The following KRT84 variants were observed in gnomAD, a reference collection of about 807,000 sequenced individuals.
KRT84 encodes keratin, type II cuticular Hb4.
Under a neutral mutation model 49.0 loss-of-function variants are expected in KRT84, and 38 were observed. The ratio of observed to expected loss-of-function variants is 0.78; its 90% CI spans 0.60 to 1.02. The LOEUF (loss-of-function observed/expected upper bound fraction) is 1.02, where lower values mean the gene tolerates loss of function less well. Ranked by LOEUF, KRT84 falls within the 50% of genes least tolerant of loss-of-function variation. The pLI is 0.00. For missense variants in KRT84, 860 were observed against 788.6 expected, an observed-to-expected ratio of 1.09 and a Z score of -1.08; for synonymous variants, 334 against 312.8, an observed-to-expected ratio of 1.07 and a Z score of -0.72.
Position 52,382,454 on chromosome 12 carries a change from T to C in KRT84, c.895A>G (p.Lys299Glu). ...DTLTQEIDFL[K>E]TLYMEEIQLL... Reference sequence around the variant, plus strand: ...ACCCTCACCTCCATGTAAAGCGTTTTTAGAAAGTCAATTTCCTGAGTTAGG... The same window carrying C: ...ACCCTCACCTCCATGTAAAGCGTTTCTAGAAAGTCAATTTCCTGAGTTAGG... The change falls in exon 4 of 9, where the codon AAA (lysine) becomes GAA (glutamate). Residue 299 changes from lysine (K) to glutamate (E), a missense_variant. Physicochemically the swap from Lys to Glu is moderately conservative, Grantham distance 56. Transcript: ENST00000257951. 2 of 1,613,932 alleles carry C rather than the reference T, an allele frequency of 1.2e-6. 1 individual carries two copies. Among genetic ancestry groups the C allele is most frequent in the South Asian group, 2.2e-5 (2 of 91,074 alleles).
At chr12:52,385,675 C>T (rs1479720344), upstream of KRT84, 1 of 1,237,702 alleles carries the variant, frequency 8.1e-7, no homozygotes, top group Non-Finnish European at 1.1e-6. Flanking sequence ...ACCCTTGCAC[C>T]CCTTTTATGT....
intron 8 of KRT84, among the ~76,000 whole-genome samples, chr12:52,379,607 C>T (rs1939444859): frequency 6.6e-6 from 1 of 152,222 alleles, no homozygotes. Context: ...AAGGACAAGG[C>T]CGCTCAAAGC....
intron 3 of KRT84, 109 bp downstream of exon 3, chr12:52,382,896 T>C: frequency 3.5e-6 from 3 of 865,072 alleles, no homozygotes; most frequent in Non-Finnish European, 5.9e-6. Context: ...ACTGTCTTGA[T>C]GTGAGTAGTC....
intron 6 of KRT84, 48 bp downstream of exon 6, chr12:52,381,032 G>A (rs774639656): frequency 9.4e-6 from 15 of 1,601,200 alleles, no homozygotes; most frequent in Non-Finnish European, 2.6e-6. Flanking sequence ...AAAGCCTGAG[G>A]CCCTGGTTCT....
Position 52,378,312 on chromosome 12 carries a change from G to A in KRT84, c.1525C>T (p.Arg509Cys), listed in dbSNP as rs998175367. The change falls in exon 9 of 9, where the codon CGC becomes TGC. Residue 509 changes from arginine (R) to cysteine (C), a missense_variant. Arg to Cys is a radical substitution (Grantham distance 180). Coordinates refer to ENST00000257951, the MANE Select transcript of KRT84 (RefSeq NM_033045.4). ...EPLVAGSTLS[R>C]GGVTFSGSSS... ...CTACCTGAGAAGGTGACCCCGCCGC[G>A]GGAGAGGGTGGAGCCGGCAACCAAA... 3.9e-6 allele frequency: 6 copies of A among 1,535,988 alleles called. No homozygotes were observed. The highest frequency in any genetic ancestry group is 4.0e-5 in the Admixed American group (2 of 50,334).
At chr12:52,381,876 C>T (rs1039638773) in intron 4 of KRT84, among the ~76,000 whole-genome samples, 8 of 152,096 alleles carry the variant, frequency 5.3e-5, no homozygotes, top group South Asian at 4.1e-4. Context: ...GGTCACAGAC[C>T]GTTGAGACCT....
At position 52,385,266 on chromosome 12, in the gene KRT84, A is replaced by G. The variant is rs905198078; in HGVS notation, c.320T>C (p.Phe107Ser). 1.2e-6 allele frequency: 2 copies of G among 1,613,928 alleles called. No homozygotes were observed. Among genetic ancestry groups the G allele is most frequent in the African/African-American group, 2.7e-5 (2 of 74,890 alleles). Residue 107 changes from phenylalanine to serine, a missense_variant, in exon 1 of 9, where the codon TTT becomes TCT. Physicochemically the swap from Phe to Ser is radical, Grantham distance 155 (BLOSUM62 -2). Transcript: ENST00000257951. ...PRADSCVGLG[F>S]GAGSGIGYGF... is the part of the protein sequence containing the mutation. The stretch of plus-strand genomic sequence containing the variant: ...ATAGCCAATGCCACTGCCAGCTCCA[A>G]AGCCCAGACCAACACAGCTGTCAGC...
chr12:52,384,783 C>A (rs917983890), intron 1 of KRT84, among the ~76,000 whole-genome samples: 6 of 152,156 alleles, frequency 3.9e-5, no homozygotes, highest in Admixed American at 1.3e-4. Flanking sequence ...TCGAGTTTGG[C>A]TGGATGCTCC....
At position 52,380,403 on chromosome 12, in the gene KRT84, T is replaced by A; in HGVS notation, c.1384A>T (p.Ile462Phe). ...MNAKLGLDIE[I>F]ATYRRLLEGE... ...TCCAGCAGGCGCCTGTAGGTGGCGA[T>A]CTCGATGTCCAGGCCCAGCTTGGCA... Residue 462 changes from isoleucine to phenylalanine, a missense_variant, in exon 7 of 9, where the codon ATC (isoleucine) becomes TTC (phenylalanine). By Grantham distance (21) the Ile-to-Phe change is conservative. Coordinates refer to ENST00000257951, the MANE Select transcript of KRT84 (RefSeq NM_033045.4). 1 of 1,614,186 alleles carries A rather than the reference T, an allele frequency of 6.2e-7. No individual in the cohort carries two copies. Among genetic ancestry groups the A allele is most frequent in the South Asian group, 1.1e-5 (1 of 91,080 alleles).
Position 52,383,616 on chromosome 12 carries a change from C to T in KRT84, c.729G>A (p.Gln243=). ...ARLQAERNHL[Q]DVLEGFKKKY... is the part of the protein sequence containing the mutation. ...TCTTCTTGAAGCCCTCTAGGACATC[C>T]TGCAGGTGGTTCCTCTCAGCCTGGA... The change falls in exon 2 of 9, where the codon CAG becomes CAA. Residue 243 remains glutamine (Q), a synonymous_variant. Transcript: ENST00000257951. 6.2e-7 allele frequency: 1 copy of T among 1,613,534 alleles called. No homozygotes were observed. Among genetic ancestry groups the T allele is most frequent in the East Asian group, 2.2e-5 (1 of 44,878 alleles).
At chr12:52,382,883 T>TC (rs1939508133) in intron 3 of KRT84, 122 bp downstream of exon 3, 1 of 772,596 alleles carries the variant, frequency 1.3e-6, no homozygotes, top group African/African-American at 1.7e-5. Context: ...TTCCACTGTC[T>TC]CCACTGTCTT....
At chr12:52,378,611 C>CGT in intron 8 of KRT84, among the ~76,000 whole-genome samples, 2 of 152,216 alleles carry the variant, frequency 1.3e-5, no homozygotes, top group Non-Finnish European at 2.9e-5. Context: ...ATGACGACTT[C>CGT]ATCCAATTCC....
chr12:52,386,379 A>G (rs1408503681), upstream of KRT84, among the ~76,000 whole-genome samples: 1 of 144,496 alleles, frequency 6.9e-6, no homozygotes, highest in Non-Finnish European at 1.5e-5. Context: ...GTAGTAGGGG[A>G]AGATTTATCT....
upstream of KRT84, among the ~76,000 whole-genome samples, chr12:52,386,278 C>T (rs901548613): frequency 6.6e-6 from 1 of 152,144 alleles, no homozygotes; most frequent in African/African-American, 2.4e-5. Flanking sequence ...GATATTCATT[C>T]ATTCTACAGT....
In KRT84 at chr12:52,380,535, C is replaced by T; in HGVS notation, c.1252G>A (p.Ala418Thr). 6.2e-7 allele frequency: 1 copy of T among 1,613,946 alleles called. No individual in the cohort carries two copies. ...AVAEAEQQGE[A>T]TLSDAKCKLA... is the part of the protein sequence containing the mutation. ...TTGCATTTGGCATCACTGAGGGTCG[C>T]CTCGCCCTGCTGCTCGGCCTCGGCC... The change falls in exon 7 of 9, where the codon GCG becomes ACG. Residue 418 changes from alanine to threonine, a missense_variant. Physicochemically the swap from Ala to Thr is moderately conservative, Grantham distance 58 (BLOSUM62 0). Coordinates refer to ENST00000257951, the MANE Select transcript of KRT84 (RefSeq NM_033045.4).
In KRT84 at chr12:52,384,753, C is replaced by T. The variant is rs571891060; in HGVS notation, c.546+287G>A. On this transcript the variant is annotated intron_variant, in intron 1 of 8. Coordinates refer to ENST00000257951, the MANE Select transcript of KRT84 (RefSeq NM_033045.4). Reference sequence around the variant, plus strand: ...ATTTCTAAGTGACCAGATGCAACATCTTAGTTTGTCGAGATGCCCTCGAGT... The same window carrying T: ...ATTTCTAAGTGACCAGATGCAACATTTTAGTTTGTCGAGATGCCCTCGAGT... 3.9e-5 allele frequency among the ~76,000 whole-genome samples: 6 copies of T among 152,312 alleles called. No homozygotes were observed. In the East Asian group the frequency reaches 1.2e-3, roughly 29 times the overall value.
At chr12:52,379,770 G>A (rs1433644246) in intron 8 of KRT84, 106 bp downstream of exon 8, 3 of 893,426 alleles carry the variant, frequency 3.4e-6, no homozygotes, top group Non-Finnish European at 5.6e-6. Context: ...GACTGTCGTG[G>A]CCAGACCGGC....
At position 52,385,106 on chromosome 12, in the gene KRT84, C is replaced by T. The variant is rs1939550427; in HGVS notation, c.480G>A (p.Arg160=). Residue 160 remains arginine, a synonymous_variant, in exon 1 of 9, where the codon AGG becomes AGA. Coordinates refer to ENST00000257951, the MANE Select transcript of KRT84 (RefSeq NM_033045.4). ...TTTGCTCCTTCTCATCCTTCTTCACCCTCTGGGCATTGGGGTCAATCTCCA... is the reference window on the plus strand; with the variant it reads ...TTTGCTCCTTCTCATCCTTCTTCACTCTCTGGGCATTGGGGTCAATCTCCA... ...LNLEIDPNAQ[R]VKKDEKEQIK... is the part of the protein sequence containing the mutation. The T allele has an allele frequency of 1.2e-6, 2 of 1,602,266 alleles. No individual in the cohort carries two copies. Among genetic ancestry groups the T allele is most frequent in the Non-Finnish European group, 1.7e-6 (2 of 1,174,414 alleles).
rs372984157 is a variant in KRT84, at chr12:52,380,459, C to G, written c.1328G>C (p.Arg443Pro). The change falls in exon 7 of 9, where the codon CGG becomes CCG. Residue 443 changes from arginine (R) to proline (P), a missense_variant. Coordinates refer to ENST00000257951, the MANE Select transcript of KRT84 (RefSeq NM_033045.4). ...CAGCTCCTGGTACTCGCACAGCTGC[C>G]GCGCCATGTCCTGCTTGGCCTGCTG... ...ALQQAKQDMA[R>P]QLCEYQELMN... 6.2e-6 allele frequency: 10 copies of G among 1,614,096 alleles called. No individual in the cohort carries two copies. Among genetic ancestry groups the G allele is most frequent in the Non-Finnish European group, 8.5e-6 (10 of 1,180,026 alleles).
Sources: allele counts gnomAD v4.1 joint callset (sites outside exome capture counted in the v4.1 genomes callset), GRCh38; gene constraint gnomAD v4.1.1; transcripts MANE v1.5; gene names NCBI Gene and HGNC (gene_info 2026-07-23, HGNC 2026-07-21).